RGS6: variants seen among roughly 807,000 people sequenced by gnomAD.
RGS6 encodes the protein regulator of G-protein signaling 6.
In RGS6, 30 loss-of-function variants were observed where a neutral mutation model predicts 78.5. The observed-to-expected ratio is 0.38, with a 90% CI of 0.29 to 0.52. RGS6 has a LOEUF of 0.52. Ranked by LOEUF, RGS6 falls within the 20% of genes least tolerant of loss-of-function variation. RGS6 has a pLI of 0.85. For synonymous variants in RGS6, 206 were observed against 206.0 expected, an observed-to-expected ratio of 1.00 and a Z score of 0.00; for missense variants, 495 against 609.7, an observed-to-expected ratio of 0.81 and a Z score of 1.98.
At chr14:71,933,599 G>C (rs1250920065) in intron 1 of RGS6, among the ~76,000 whole-genome samples, 2 of 152,162 alleles carry the variant, frequency 1.3e-5, no homozygotes, top group East Asian at 3.8e-4. Flanking sequence ...AGAAAATTTA[G>C]TTTTGTTCAG....
chr14:72,043,141 G>A (rs1329013080), intron 2 of RGS6, among the ~76,000 whole-genome samples: 1 of 151,976 alleles, frequency 6.6e-6, no homozygotes, highest in Non-Finnish European at 1.5e-5. Context: ...TATTTATTAA[G>A]GGTGTTAATA....
At chr14:72,277,050 A>G (rs557899756) in intron 2 of RGS6, among the ~76,000 whole-genome samples, 1 of 152,292 alleles carries the variant, frequency 6.6e-6, no homozygotes, top group South Asian at 2.1e-4. Flanking sequence ...GAGGTATTCA[A>G]TCCATACATA....
intron 15 of RGS6, among the ~76,000 whole-genome samples, chr14:72,521,822 A>C (rs2097046926): frequency 6.6e-6 from 1 of 152,222 alleles, no homozygotes; most frequent in South Asian, 2.1e-4. Flanking sequence ...TAGGGGTGGA[A>C]TGGGGACCAG....
chr14:72,505,093 A>G (rs2096783031), intron 13 of RGS6, among the ~76,000 whole-genome samples: 1 of 151,934 alleles, frequency 6.6e-6, no homozygotes, highest in Non-Finnish European at 1.5e-5. Context: ...GCTTTTGCTG[A>G]CATATATCTC....
At chr14:72,579,138 A>G in the RGS6 span, among the ~76,000 whole-genome samples, 3 of 152,160 alleles carry the variant, frequency 2.0e-5, no homozygotes, top group Admixed American at 1.3e-4. Context: ...TCCATGCCTC[A>G]GATCTAACTG....
At chr14:72,128,808 T>C (rs542740047) in intron 2 of RGS6, among the ~76,000 whole-genome samples, 178 of 152,306 alleles carry the variant, frequency 1.2e-3, no homozygotes, top group African/African-American at 4.3e-3. Context: ...CCACAACGTA[T>C]GCGTGTGCAT....
chr14:72,231,636 A>T (rs2049626969), intron 2 of RGS6, among the ~76,000 whole-genome samples: 1 of 152,220 alleles, frequency 6.6e-6, no homozygotes, highest in South Asian at 2.1e-4. Context: ...ATAGAGAGTG[A>T]TGGGGCCAGA....
chr14:72,544,971 T>C, intron 17 of RGS6, among the ~76,000 whole-genome samples: 1 of 152,338 alleles, frequency 6.6e-6, no homozygotes, highest in Non-Finnish European at 1.5e-5. Flanking sequence ...AAGCAGCTCC[T>C]GCCCCCAGGA....
At chr14:72,334,903 G>A (rs2238197) in intron 2 of RGS6, among the ~76,000 whole-genome samples, 11,357 of 152,034 alleles carry the variant, frequency 0.075, 503 homozygotes, top group East Asian at 0.23. Context: ...CACCCTTTCT[G>A]TCTGCAGCCT....
chr14:72,180,826 G>C (rs780684656), intron 2 of RGS6, among the ~76,000 whole-genome samples: 1 of 152,194 alleles, frequency 6.6e-6, no homozygotes, highest in African/African-American at 2.4e-5. Context: ...ATTTTCTCTT[G>C]TTTCATGTGC....
chr14:72,266,284 A>G (rs2059058508), intron 2 of RGS6, among the ~76,000 whole-genome samples: 1 of 152,166 alleles, frequency 6.6e-6, no homozygotes, highest in African/African-American at 2.4e-5. Context: ...GGTGGTCTCA[A>G]AGTAGTCAGA....
At chr14:71,975,485 G>A (rs747854127) in intron 2 of RGS6, among the ~76,000 whole-genome samples, 9 of 150,672 alleles carry the variant, frequency 6.0e-5, no homozygotes, top group Non-Finnish European at 1.0e-4. Context: ...TTTTGATGGA[G>A]GCTTGCTCTG....
intron 1 of RGS6, among the ~76,000 whole-genome samples, chr14:71,958,073 C>G (rs1327215378): frequency 1.3e-5 from 2 of 151,996 alleles, no homozygotes; most frequent in African/African-American, 4.8e-5. Context: ...GCCTGTCAGG[C>G]AGCTGTGATA....
chr14:71,983,736 A>G (rs1287127625), intron 2 of RGS6, among the ~76,000 whole-genome samples: 2 of 152,140 alleles, frequency 1.3e-5, no homozygotes, highest in East Asian at 1.9e-4. Flanking sequence ...CATACCCCCA[A>G]TTGATTGTGA....
chr14:72,428,745 C>T (rs1466926307), intron 3 of RGS6, among the ~76,000 whole-genome samples: 1 of 152,182 alleles, frequency 6.6e-6, no homozygotes, highest in Non-Finnish European at 1.5e-5. Flanking sequence ...GTGGGTACAA[C>T]CTGTAGCACT....
intron 2 of RGS6, among the ~76,000 whole-genome samples, chr14:72,330,804 A>C (rs1465390607): frequency 2.0e-5 from 3 of 152,070 alleles, no homozygotes; most frequent in African/African-American, 7.2e-5. Context: ...TGAGGGTTCC[A>C]TCCCAGCTTT....
chr14:72,458,174 TG>T, intron 4 of RGS6, 96 bp from the exon 5 acceptor site: 3 of 882,090 alleles, frequency 3.4e-6, no homozygotes. Context: ...CACAGACATC[TG>T]GGGGTGATGA....
At chr14:72,560,278 G>A in intron 17 of RGS6, among the ~76,000 whole-genome samples, 1 of 152,174 alleles carries the variant, frequency 6.6e-6, no homozygotes, top group East Asian at 1.9e-4. Flanking sequence ...AGCAATAAGT[G>A]GCACCTAAAA....
the RGS6 span, among the ~76,000 whole-genome samples, chr14:72,607,002 TC>T: frequency 1.3e-5 from 2 of 152,182 alleles, no homozygotes; most frequent in Non-Finnish European, 2.9e-5. Flanking sequence ...CAAATAATCC[TC>T]TTTTCTTTAC....
Sources: gnomAD v4.1 joint callset for allele counts (sites outside exome capture counted in the v4.1 genomes callset) on GRCh38, gnomAD v4.1.1 for gene constraint, MANE v1.5 for transcripts, NCBI Gene and HGNC (gene_info 2026-07-23, HGNC 2026-07-21) for gene names.